The following CHST11 variants were observed in gnomAD, a reference collection of about 807,000 sequenced individuals.
CHST11 encodes C4S-1.
A neutral mutation model predicts 30.4 loss-of-function variants in CHST11; 9 were observed. The observed-to-expected ratio is 0.30, with a 90% CI of 0.18 to 0.52. The LOEUF (loss-of-function observed/expected upper bound fraction) is 0.52, where lower values mean the gene tolerates loss of function less well. Ranked by LOEUF, CHST11 falls within the 20% of genes least tolerant of loss-of-function variation. The pLI is 0.97. For missense variants in CHST11, 348 were observed against 460.6 expected, an observed-to-expected ratio of 0.76 and a Z score of 2.24; for synonymous variants, 152 against 187.8, an observed-to-expected ratio of 0.81 and a Z score of 1.56.
chr12:104,750,912 C>T (rs909714099), intron 2 of CHST11, among the ~76,000 whole-genome samples: 1 of 151,548 alleles, frequency 6.6e-6, no homozygotes, highest in Non-Finnish European at 1.5e-5. Context: ...TAGTAGAGGC[C>T]CAGGTGAATT....
intron 1 of CHST11, among the ~76,000 whole-genome samples, chr12:104,547,025 T>G (rs997660250): frequency 1.3e-5 from 2 of 152,214 alleles, no homozygotes; most frequent in African/African-American, 4.8e-5. Flanking sequence ...ATTTAAAAAA[T>G]TATCAGTAAT....
chr12:104,702,365 T>G (rs1489631228), intron 2 of CHST11, among the ~76,000 whole-genome samples: 1 of 152,180 alleles, frequency 6.6e-6, no homozygotes, highest in African/African-American at 2.4e-5. Context: ...CAGCTCTAAT[T>G]TGTAGATATG....
At chr12:104,473,915 TCAC>T (rs781715469) in intron 1 of CHST11, among the ~76,000 whole-genome samples, 9 of 151,448 alleles carry the variant, frequency 5.9e-5, no homozygotes, top group Non-Finnish European at 7.4e-5. Flanking sequence ...ATCACCATCA[TCAC>T]CACCACCACC....
chr12:104,592,689 T>G (rs956266145), intron 1 of CHST11, among the ~76,000 whole-genome samples: 3 of 152,240 alleles, frequency 2.0e-5, no homozygotes, highest in African/African-American at 7.2e-5. Flanking sequence ...CCACGTAGAT[T>G]CATTCTCTTT....
intron 1 of CHST11, among the ~76,000 whole-genome samples, chr12:104,513,506 C>G (rs2037990678): frequency 6.6e-6 from 1 of 152,144 alleles, no homozygotes; most frequent in Admixed American, 6.5e-5. Context: ...TATTATGAAG[C>G]CTTCATCTTT....
chr12:104,607,537 G>A (rs561172501), intron 2 of CHST11, among the ~76,000 whole-genome samples: 4 of 152,284 alleles, frequency 2.6e-5, no homozygotes, highest in East Asian at 1.9e-4. Flanking sequence ...GGGGCGGTGC[G>A]CAGTGGGGGC....
chr12:104,603,080 C>T (rs1435234125), intron 2 of CHST11, among the ~76,000 whole-genome samples: 1 of 152,098 alleles, frequency 6.6e-6, no homozygotes, highest in Admixed American at 6.5e-5. Context: ...GTCAGTATTG[C>T]CTGAGGCTTC....
intron 2 of CHST11, among the ~76,000 whole-genome samples, chr12:104,633,497 C>T (rs908674772): frequency 3.4e-5 from 5 of 148,348 alleles, no homozygotes; most frequent in African/African-American, 1.3e-4. Flanking sequence ...TCACTGCAAC[C>T]TCTGTCTCTT....
At chr12:104,629,788 C>T (rs1939057372) in intron 2 of CHST11, among the ~76,000 whole-genome samples, 1 of 152,206 alleles carries the variant, frequency 6.6e-6, no homozygotes, top group Non-Finnish European at 1.5e-5. Context: ...CGGCACTGCA[C>T]TCCAGCCTGG....
chr12:104,601,969 A>G lies in CHST11; in HGVS notation c.182A>G (p.Gln61Arg). 6.2e-7 allele frequency: 1 copy of G among 1,613,804 alleles called. No individual in the cohort carries two copies. The highest frequency in any genetic ancestry group is 8.5e-7 in the Non-Finnish European group (1 of 1,179,954). ...CCRKGSRSPLQELYNPIQLEL... is the reference protein window; with the variant it reads ...CCRKGSRSPLRELYNPIQLEL... ...CGGAAGGGGTCCCGAAGCCCCCTGC[A>G]GGAACTCTACAACCCAATCCAGGTA... Residue 61 changes from glutamine (Q) to arginine (R), a missense_variant, in exon 2 of 3, where the codon CAG (glutamine) becomes CGG (arginine). Coordinates refer to ENST00000303694, the MANE Select transcript of CHST11 (RefSeq NM_018413.6).
intron 1 of CHST11, among the ~76,000 whole-genome samples, chr12:104,470,033 G>A (rs1225353071): frequency 6.6e-6 from 1 of 152,212 alleles, no homozygotes; most frequent in East Asian, 1.9e-4. Context: ...GGGACAGGTG[G>A]CAATGTCTGG....
chr12:104,742,678 A>G (rs530303325), intron 2 of CHST11, among the ~76,000 whole-genome samples: 30 of 152,286 alleles, frequency 2.0e-4, no homozygotes, highest in African/African-American at 4.8e-4. Flanking sequence ...TGAGATGTCA[A>G]TAAGGCCCTT....
chr12:104,514,815 C>T (rs952391653), intron 1 of CHST11, among the ~76,000 whole-genome samples: 1 of 152,182 alleles, frequency 6.6e-6, no homozygotes. Flanking sequence ...CACTAGGCCC[C>T]ATGTCCAACA....
In CHST11 at chr12:104,757,947, A is replaced by G. The variant is rs1307913774; in HGVS notation, c.*144A>G. 1 of 939,024 alleles carries G rather than the reference A, an allele frequency of 1.1e-6. No homozygotes were observed. The highest frequency in any genetic ancestry group is 1.7e-5 in the African/African-American group (1 of 59,818). The allele number at this position is 939,024 out of a possible 1,614,324, so 58.2% of individuals were successfully genotyped here. On this transcript the variant is annotated 3_prime_UTR_variant, in exon 3 of 3. Coordinates refer to ENST00000303694, the MANE Select transcript of CHST11 (RefSeq NM_018413.6). This position sits in a 1 kb window ranked among gnomAD's most constrained non-coding sequence, Gnocchi z 6.5. ...AGCAGCATAGTGAGAATTATTTAAAATCCTTCGTAGGGAAGGACAGCTGTC... is the reference window on the plus strand; with the variant it reads ...AGCAGCATAGTGAGAATTATTTAAAGTCCTTCGTAGGGAAGGACAGCTGTC...
At chr12:104,478,099 A>G (rs2037581898) in intron 1 of CHST11, among the ~76,000 whole-genome samples, 1 of 152,072 alleles carries the variant, frequency 6.6e-6, no homozygotes, top group East Asian at 1.9e-4. Context: ...GGGGTGGGAG[A>G]CAGGGAGAGA....
rs79441158 is a variant in CHST11 at position 104,529,335 on chromosome 12, C to T, written c.118+71806C>T. On this transcript the variant is annotated intron_variant, in intron 1 of 2. Transcript: ENST00000303694. Reference sequence around the variant, plus strand: ...TGGAATCTGGCTGCCTTTTTCCATCCCTGGCCCTGCCACTTACTTTGAGAG... The same window carrying T: ...TGGAATCTGGCTGCCTTTTTCCATCTCTGGCCCTGCCACTTACTTTGAGAG... Among the ~76,000 whole-genome samples, 1,042 of 152,290 alleles carry T rather than the reference C, an allele frequency of 6.8e-3. 19 individuals are homozygous for T. The highest frequency in any genetic ancestry group is 0.024 in the African/African-American group (984 of 41,552).
In CHST11 at chr12:104,482,079, G is replaced by A. The variant is rs558620432; in HGVS notation, c.118+24550G>A. ...TTGGCCAGGCTGGTTTCAAACTCCTGACCTCAAGCGATCCACCCACCTCAG... is the reference window on the plus strand; with the variant it reads ...TTGGCCAGGCTGGTTTCAAACTCCTAACCTCAAGCGATCCACCCACCTCAG... On this transcript the variant is annotated intron_variant, in intron 1 of 2. Transcript: ENST00000303694. Among the ~76,000 whole-genome samples the A allele has an allele frequency of 5.3e-5, 8 of 152,016 alleles. 1 individual carries two copies. The highest frequency in any genetic ancestry group is 1.9e-4 in the African/African-American group (8 of 41,446).
intron 2 of CHST11, among the ~76,000 whole-genome samples, chr12:104,709,325 A>G (rs550959340): frequency 2.0e-5 from 3 of 152,180 alleles, no homozygotes; most frequent in South Asian, 2.1e-4. Context: ...TAGCAAGTAC[A>G]TGAGGCTCTG....
intron 1 of CHST11, among the ~76,000 whole-genome samples, chr12:104,571,600 C>T (rs1292840776): frequency 6.6e-6 from 1 of 152,144 alleles, no homozygotes; most frequent in African/African-American, 2.4e-5. Flanking sequence ...TGAGGATCAC[C>T]ACACAAGAGG....
Sources: gnomAD v4.1 joint callset for allele counts (sites outside exome capture counted in the v4.1 genomes callset) on GRCh38, gnomAD v4.1.1 for gene constraint, Gnocchi (gnomAD v3.1) non-coding constraint, MANE v1.5 for transcripts, NCBI Gene and HGNC (gene_info 2026-07-23, HGNC 2026-07-21) for gene names.